ANK3: variants seen among roughly 807,000 people sequenced by gnomAD.
The protein encoded by ANK3 is ankyrin-3.
In ANK3, 57 loss-of-function variants were observed where a neutral mutation model predicts 370.9. That is an observed-to-expected ratio of 0.15 (90% CI 0.12 to 0.19). The LOEUF is 0.19. Among genes scored for constraint, ANK3 ranks in the 10% least tolerant of loss-of-function variants. The probability of loss-of-function intolerance (pLI) is 1.00; values close to 1 mark genes in which losing one functional copy is unlikely to be tolerated. For missense variants in ANK3, 4,439 were observed against 5,302.1 expected (o/e 0.84, Z 5.06); for synonymous variants, 1,929 against 1,946.3 (o/e 0.99, Z 0.23).
At chr10:60,390,953 A>G (rs2063054874), upstream of ANK3, among the ~76,000 whole-genome samples, 1 of 152,098 alleles carries the variant, frequency 6.6e-6, no homozygotes, top group Non-Finnish European at 1.5e-5. Flanking sequence ...TCATGTGAGG[A>G]TTTGGTTGGG....
chr10:60,064,668 C>CACAGCAACA lies in ANK3; in HGVS notation c.12320-389_12320-381dup, dbSNP rs574394048. Among the ~76,000 whole-genome samples the CACAGCAACA allele has an allele frequency of 7.2e-5, 8 of 110,542 alleles. No individual in the cohort carries two copies. The East Asian group carries it at 2.0e-3, about 28-fold the overall frequency. The allele number at this position is 110,542 out of a possible 152,430, so 72.5% of individuals were successfully genotyped here. On this transcript the variant is annotated intron_variant, in intron 38 of 43. Coordinates refer to ENST00000280772, the MANE Select transcript of ANK3 (RefSeq NM_020987.5). ...ATGGCAAAACCCCGGTCTCCATACA[C>CACAGCAACA]ACAGCAACAACAACAACAACAACAA... is the stretch of plus-strand genomic sequence containing the variant.
chr10:60,322,727 T>A (rs1004566483), intron 1 of ANK3, among the ~76,000 whole-genome samples: 1 of 152,156 alleles, frequency 6.6e-6, no homozygotes. Flanking sequence ...GCTTTTCTTA[T>A]AAAATTGTCT....
chr10:60,227,791 C>T (rs1366521368), intron 8 of ANK3, among the ~76,000 whole-genome samples: 1 of 152,060 alleles, frequency 6.6e-6, no homozygotes, highest in Admixed American at 6.6e-5. Context: ...GCATTATACT[C>T]GTTTCTCCTA....
chr10:60,326,814 T>G (rs927213139), intron 1 of ANK3, among the ~76,000 whole-genome samples: 21 of 152,182 alleles, frequency 1.4e-4, no homozygotes, highest in Admixed American at 2.6e-4. Context: ...GAGGTCAGGC[T>G]ATCGAGACCA....
At chr10:60,389,314 T>A in intron 1 of ANK3, 111 bp downstream of exon 1, 2 of 1,030,834 alleles carry the variant, frequency 1.9e-6, no homozygotes, top group Non-Finnish European at 2.8e-6. Context: ...ACACCCAATT[T>A]ACACTCTACC....
intron 2 of ANK3, among the ~76,000 whole-genome samples, chr10:60,486,409 T>C (rs1056402131): frequency 3.9e-5 from 6 of 152,154 alleles, no homozygotes; most frequent in Admixed American, 1.3e-4. Flanking sequence ...CAAAACCACA[T>C]CTTTACTAAA....
intron 23 of ANK3, among the ~76,000 whole-genome samples, chr10:60,141,573 T>C: frequency 4.2e-5 from 1 of 23,602 alleles, no homozygotes; most frequent in East Asian, 1.1e-3. Context: ...TTTTTTTTTT[T>C]TTTTTTTTTT....
At chr10:60,314,015 T>C (rs193012018) in intron 1 of ANK3, among the ~76,000 whole-genome samples, 1 of 151,680 alleles carries the variant, frequency 6.6e-6, no homozygotes, top group Admixed American at 6.6e-5. Context: ...CCTGCTAGAG[T>C]GTGCACTCTT....
At chr10:60,726,641 T>C (rs2079945003) in intron 1 of ANK3, among the ~76,000 whole-genome samples, 1 of 152,138 alleles carries the variant, frequency 6.6e-6, no homozygotes, top group African/African-American at 2.4e-5. Context: ...CATGGTTTTG[T>C]TTTTGTTTTT....
intron 1 of ANK3, among the ~76,000 whole-genome samples, chr10:60,299,015 C>T (rs900451013): frequency 9.9e-5 from 15 of 152,070 alleles, no homozygotes; most frequent in Non-Finnish European, 2.1e-4. Context: ...TAGAGTGATA[C>T]GATTTTTAGG....
chr10:60,250,418 G>C (rs1482407506), intron 7 of ANK3, among the ~76,000 whole-genome samples: 2 of 152,144 alleles, frequency 1.3e-5, no homozygotes, highest in African/African-American at 4.8e-5. Flanking sequence ...AGGCTGGAGT[G>C]CAGTGGCACA....
intron 2 of ANK3, among the ~76,000 whole-genome samples, chr10:60,508,891 T>C (rs1165813551): frequency 6.6e-6 from 1 of 152,172 alleles, no homozygotes; most frequent in Non-Finnish European, 1.5e-5. Context: ...AATTGATTGC[T>C]CTTCAGTTTG....
intron 2 of ANK3, among the ~76,000 whole-genome samples, chr10:60,428,321 A>C (rs1187870234): frequency 6.6e-6 from 1 of 152,166 alleles, no homozygotes. Flanking sequence ...TTCTGTGCTC[A>C]TCCTTCCTTT....
At chr10:60,329,924 G>A (rs1475023626) in intron 1 of ANK3, among the ~76,000 whole-genome samples, 1 of 152,128 alleles carries the variant, frequency 6.6e-6, no homozygotes, top group African/African-American at 2.4e-5. Flanking sequence ...CATGGTACTG[G>A]TACCAAGACA....
intron 23 of ANK3, among the ~76,000 whole-genome samples, chr10:60,142,772 C>A (rs1015744762): frequency 2.6e-5 from 4 of 152,106 alleles, no homozygotes; most frequent in Non-Finnish European, 5.9e-5. Flanking sequence ...ATCCACTTAG[C>A]ATTTTAGAAT....
intron 2 of ANK3, among the ~76,000 whole-genome samples, chr10:60,478,561 G>T (rs1413340945): frequency 1.3e-5 from 2 of 151,956 alleles, no homozygotes; most frequent in African/African-American, 4.8e-5. Context: ...GCCAATTATT[G>T]CTGAGAACAA....
intron 36 of ANK3, among the ~76,000 whole-genome samples, chr10:60,079,225 A>ACACACACACACACACACC (rs376356885): frequency 1.8e-4 from 25 of 142,748 alleles, no homozygotes; most frequent in African/African-American, 6.6e-4. Context: ...ACACACACAC[A>ACACACACACACACACACC]CCCCTCTTCT....
intron 1 of ANK3, among the ~76,000 whole-genome samples, chr10:60,731,485 T>C (rs1041256877): frequency 1.3e-5 from 2 of 152,182 alleles, no homozygotes; most frequent in Admixed American, 1.3e-4. Flanking sequence ...TAAATAACAA[T>C]CTAACTACAG....
At chr10:60,089,534 T>G (rs1251217811) in intron 28 of ANK3, among the ~76,000 whole-genome samples, 2 of 151,914 alleles carry the variant, frequency 1.3e-5, no homozygotes, top group Admixed American at 6.6e-5. Flanking sequence ...AAAGCCAAAT[T>G]TTATGCATAA....
Sources: allele counts gnomAD v4.1 joint callset (sites outside exome capture counted in the v4.1 genomes callset), GRCh38; gene constraint gnomAD v4.1.1; transcripts MANE v1.5; gene names NCBI Gene and HGNC (gene_info 2026-07-23, HGNC 2026-07-21).